Variants in RBM41 observed in about 807,000 individuals in gnomAD.
RBM41 encodes the protein RNA binding motif protein 41, also known as RNA-binding protein 41.
A neutral mutation model predicts 30.8 loss-of-function variants in RBM41; 14 were observed. The observed-to-expected ratio is 0.45, with a 90% CI of 0.30 to 0.71. RBM41 has a LOEUF of 0.71. Ranked by LOEUF, RBM41 falls within the 30% of genes least tolerant of loss-of-function variation. RBM41 has a pLI of 0.08. For synonymous variants in RBM41, 120 were observed against 110.1 expected (o/e 1.09, Z -0.56); for missense variants, 276 against 326.3 (o/e 0.85, Z 1.19).
the RBM41 span, among the ~76,000 whole-genome samples, chrX:107,055,575 T>C: frequency 1.2e-4 from 13 of 112,401 alleles, no homozygotes; most frequent in Non-Finnish European, 1.9e-4. Context: ...CTGCCCGCCT[T>C]GGCCTCCCAA....
downstream of RBM41, among the ~76,000 whole-genome samples, chrX:107,057,234 A>G (rs1363660730): frequency 1.8e-5 from 2 of 110,399 alleles, no homozygotes; most frequent in Non-Finnish European, 3.8e-5. Context: ...TTTCATTTTT[A>G]TAGTTCCTTA....
At chrX:107,072,114 C>G (rs1399515495) in intron 6 of RBM41, among the ~76,000 whole-genome samples, 1 of 111,228 alleles carries the variant, frequency 9.0e-6, no homozygotes, top group Non-Finnish European at 1.9e-5. Context: ...TTATTCAACA[C>G]AGTAGTGAAA....
chrX:107,118,173 G>A (rs1013766456), intron 1 of RBM41, among the ~76,000 whole-genome samples: 1 of 110,491 alleles, frequency 9.1e-6, no homozygotes, highest in Non-Finnish European at 1.9e-5. Flanking sequence ...GGACAAGTAA[G>A]GGGAACTGAG....
Position 107,116,691 on chromosome X carries a change from G to T in RBM41, c.84C>A (p.Ser28Arg). The T allele has an allele frequency of 8.3e-7, 1 of 1,210,492 alleles. No individual in the cohort carries two copies. Among genetic ancestry groups the T allele is most frequent in the Non-Finnish European group, 1.1e-6 (1 of 895,372 alleles). ...LETEGERQLK[S>R]LLQHQLDTSV... ...AAGTATCAAGTTGATGCTGAAGGAG[G>T]CTTTTCAGCTGCCTCTCCCCTTCTG... Residue 28 changes from serine (S) to arginine (R), a missense_variant, in exon 2 of 8, where the codon AGC (serine) becomes AGA (arginine). Coordinates refer to ENST00000685964, the MANE Select transcript of RBM41 (RefSeq NM_001324242.2).
chrX:107,104,197 G>A (rs182949563), intron 5 of RBM41, among the ~76,000 whole-genome samples: 305 of 110,824 alleles, frequency 2.8e-3, no homozygotes, highest in African/African-American at 9.5e-3. Context: ...ACATTTAACT[G>A]CTTGCAAATT....
intron 6 of RBM41, among the ~76,000 whole-genome samples, chrX:107,076,325 A>AAATAAATAAATG (rs1438982471): frequency 1.1e-5 from 1 of 90,284 alleles, no homozygotes; most frequent in Non-Finnish European, 2.1e-5. Flanking sequence ...TCAAATAAAT[A>AAATAAATAAATG]AATAAATAAA....
Position 107,117,373 on chromosome X carries a change from CAAG to C in RBM41, c.9-610_9-608del, listed in dbSNP as rs759757726. Among the ~76,000 whole-genome samples, 30 of 111,769 alleles carry C rather than the reference CAAG, an allele frequency of 2.7e-4. No individual in the cohort carries two copies. In the South Asian group the frequency reaches 0.011, roughly 39 times the overall value. ...GCCATAGAGATTCAAAGGGAAGAAACAAGAAGAACTAGTTATGAAACTACTGAA... is the reference window on the plus strand; with the variant it reads ...GCCATAGAGATTCAAAGGGAAGAAACAAGAACTAGTTATGAAACTACTGAA... On this transcript the variant is annotated intron_variant, in intron 1 of 7. Transcript: ENST00000685964.
downstream of RBM41, among the ~76,000 whole-genome samples, chrX:107,061,614 CTTTCT>C (rs1569319495): frequency 9.0e-6 from 1 of 110,754 alleles, no homozygotes; most frequent in Non-Finnish European, 1.9e-5. Context: ...GAATTTTTTC[CTTTCT>C]TTTTTTTAGA....
In RBM41 at chrX:107,063,903, T is replaced by C. The variant is rs982021654; in HGVS notation, c.*3624A>G. Reference sequence around the variant, plus strand: ...TCTAGGTTTAGTTTGCTCTTCTTTTTCCAGGGTCTTAAGGTGTAAAGTGAG... The same window carrying C: ...TCTAGGTTTAGTTTGCTCTTCTTTTCCCAGGGTCTTAAGGTGTAAAGTGAG... On this transcript the variant is annotated 3_prime_UTR_variant, in exon 8 of 8. Coordinates refer to ENST00000685964, the MANE Select transcript of RBM41 (RefSeq NM_001324242.2). Among the ~76,000 whole-genome samples the C allele has an allele frequency of 9.1e-5, 10 of 110,018 alleles. No homozygotes were observed. Among genetic ancestry groups the C allele is most frequent in the Non-Finnish European group, 1.5e-4 (8 of 52,759 alleles).
downstream of RBM41, among the ~76,000 whole-genome samples, chrX:107,060,464 G>A (rs1259474388): frequency 1.8e-5 from 2 of 110,603 alleles, no homozygotes; most frequent in African/African-American, 6.6e-5. Flanking sequence ...CGCCATAAAA[G>A]GGAGCAGCGT....
downstream of RBM41, among the ~76,000 whole-genome samples, chrX:107,057,071 A>G (rs1443804588): frequency 9.1e-6 from 1 of 109,963 alleles, no homozygotes; most frequent in Non-Finnish European, 1.9e-5. Context: ...GTCTCACTAC[A>G]TTACCCAGGC....
At chrX:107,092,781 C>T (rs1356719569) in intron 5 of RBM41, among the ~76,000 whole-genome samples, 1 of 111,515 alleles carries the variant, frequency 9.0e-6, no homozygotes, top group Non-Finnish European at 1.9e-5. Context: ...AATGTGTATA[C>T]ACAGTGCAAA....
rs770796545 is a variant in RBM41 at position 107,115,897 on chromosome X, T to G, written c.283A>C (p.Ile95Leu). The G allele has an allele frequency of 8.3e-7, 1 of 1,202,507 alleles. No individual in the cohort carries two copies. Among genetic ancestry groups the G allele is most frequent in the Admixed American group, 2.2e-5 (1 of 45,132 alleles). Residue 95 changes from isoleucine to leucine, a missense_variant, in exon 3 of 8, where the codon ATC becomes CTC. Transcript: ENST00000685964. ...LRELGLNETE[I>L]LIWKSHVSGE... ...GAAACATGGCTCTTCCAGATCAAGA[T>G]TTCTGTTTCATTAAGCCCTAATTCC...
Position 107,067,063 on chromosome X carries a change from G to A in RBM41, c.*464C>T, listed in dbSNP as rs1454073397. 2.7e-6 allele frequency: 2 copies of A among 751,143 alleles called. No homozygotes were observed. Among genetic ancestry groups the A allele is most frequent in the Non-Finnish European group, 3.1e-6 (2 of 638,167 alleles). 61.9% of individuals were successfully genotyped at this position (751,143 alleles called of 1,213,427 possible). A position where few individuals can be genotyped will look rare whatever the true frequency, so the allele number is the denominator to read the frequency against. ...TTCTGACTTAATAGCATTTGTTGATGCTTAGGCCTGGGGGTCCTACTCTTT... is the reference window on the plus strand; with the variant it reads ...TTCTGACTTAATAGCATTTGTTGATACTTAGGCCTGGGGGTCCTACTCTTT... On this transcript the variant is annotated 3_prime_UTR_variant, in exon 8 of 8. Coordinates refer to ENST00000685964, the MANE Select transcript of RBM41 (RefSeq NM_001324242.2).
intron 6 of RBM41, among the ~76,000 whole-genome samples, chrX:107,077,732 CAT>C (rs1269005857): frequency 1.8e-5 from 2 of 111,525 alleles, no homozygotes; most frequent in African/African-American, 3.3e-5. Context: ...TATTATTTTA[CAT>C]GTTTTCAACT....
At chrX:107,118,650 C>A in intron 1 of RBM41, 116 bp downstream of exon 1, 1 of 1,001,280 alleles carries the variant, frequency 1.0e-6, no homozygotes. Context: ...CCCGCTCCCA[C>A]GAAACCGCAT....
At position 107,065,870 on chromosome X, in the gene RBM41, T is replaced by C; in HGVS notation, c.*1657A>G. On this transcript the variant is annotated 3_prime_UTR_variant, in exon 8 of 8. Coordinates refer to ENST00000685964, the MANE Select transcript of RBM41 (RefSeq NM_001324242.2). Reference sequence around the variant, plus strand: ...CATTAGTTAAGAGAAAAAAGAAAAATGCATAGATTGTTTCTGATAATTACA... The same window carrying C: ...CATTAGTTAAGAGAAAAAAGAAAAACGCATAGATTGTTTCTGATAATTACA... 1 of 732,004 alleles carries C rather than the reference T, an allele frequency of 1.4e-6. No individual in the cohort carries two copies. 60.3% of individuals were successfully genotyped at this position (732,004 alleles called of 1,213,427 possible).
downstream of RBM41, among the ~76,000 whole-genome samples, chrX:107,059,057 T>C (rs1213979307): frequency 9.0e-6 from 1 of 111,633 alleles, no homozygotes; most frequent in Non-Finnish European, 1.9e-5. Flanking sequence ...TAGTGACTCA[T>C]ATATTTATTG....
At chrX:107,115,304 T>A in intron 4 of RBM41, 48 bp downstream of exon 4, 1 of 1,162,179 alleles carries the variant, frequency 8.6e-7, no homozygotes, top group Non-Finnish European at 1.2e-6. Flanking sequence ...TGCTGTTTAA[T>A]CTTTCTCTCA....
Sources: allele counts gnomAD v4.1 joint callset (sites outside exome capture counted in the v4.1 genomes callset), GRCh38; gene constraint gnomAD v4.1.1; transcripts MANE v1.5; gene names NCBI Gene and HGNC (gene_info 2026-07-23, HGNC 2026-07-21).